The following COL13A1 variants were observed in gnomAD, a reference collection of about 807,000 sequenced individuals.
COL13A1 encodes collagen alpha-1(XIII) chain.
Under a neutral mutation model 130.9 loss-of-function variants are expected in COL13A1, and 89 were observed. That is an observed-to-expected ratio of 0.68 (90% confidence interval 0.57 to 0.81). The LOEUF is 0.81. Among genes scored for constraint, COL13A1 ranks in the 30% least tolerant of loss-of-function variants. The pLI is 0.00. For missense variants in COL13A1, 879 were observed against 934.6 expected (o/e 0.94, Z 0.78); for synonymous variants, 402 against 341.6 (o/e 1.18, Z -1.95).
chr10:69,930,017 G>C (rs769445810), intron 28 of COL13A1, 26 bp from the exon 29 acceptor site: 2 of 1,612,318 alleles, frequency 1.2e-6, no homozygotes, highest in East Asian at 4.5e-5. Flanking sequence ...TGCCCTGAGA[G>C]TCACCTTTAG....
chr10:69,806,094 G>C (rs927118054), intron 1 of COL13A1, among the ~76,000 whole-genome samples: 3 of 152,224 alleles, frequency 2.0e-5, no homozygotes, highest in African/African-American at 4.8e-5. Flanking sequence ...GCAGATCGGA[G>C]ACTTCACTAA....
In COL13A1 at chr10:69,932,818, G is replaced by A. The variant is rs1174980873; in HGVS notation, c.1728+214G>A. 2.6e-5 allele frequency among the ~76,000 whole-genome samples: 4 copies of A among 152,182 alleles called. No homozygotes were observed. The East Asian group carries it at 7.7e-4, about 29-fold the overall frequency. ...AGAGCACCTCCCATGCTTCCATCCT[G>A]GTGCTAGAGTCTGGAGATACGAAAA... On this transcript the variant is annotated intron_variant, in intron 31 of 40. Transcript: ENST00000645393.
At chr10:69,853,489 A>G (rs1855552703) in intron 2 of COL13A1, among the ~76,000 whole-genome samples, 1 of 152,258 alleles carries the variant, frequency 6.6e-6, no homozygotes, top group African/African-American at 2.4e-5. Context: ...GATGCTCTCA[A>G]AACTTTCAAG....
chr10:69,895,479 G>A, intron 12 of COL13A1, 71 bp from the exon 13 acceptor site: 1 of 1,535,660 alleles, frequency 6.5e-7, no homozygotes, highest in East Asian at 2.2e-5. Context: ...CTGAAGTGCT[G>A]GGGGTGCCCT....
intron 26 of COL13A1, among the ~76,000 whole-genome samples, chr10:69,926,702 G>A (rs1387125240): frequency 6.6e-6 from 1 of 152,192 alleles, no homozygotes; most frequent in East Asian, 1.9e-4. Context: ...TTGAAATCTG[G>A]GTTCTGGGAG....
intron 1 of COL13A1, among the ~76,000 whole-genome samples, chr10:69,804,763 G>T (rs1224001475): frequency 1.6e-5 from 2 of 124,406 alleles, no homozygotes; most frequent in Non-Finnish European, 3.1e-5. Flanking sequence ...TTACATACAG[G>T]GAAGTAGTGC....
chr10:69,850,826 G>A (rs972930427), intron 2 of COL13A1, among the ~76,000 whole-genome samples: 9 of 152,382 alleles, frequency 5.9e-5, no homozygotes, highest in South Asian at 4.1e-4. Context: ...GTTCTGGAAC[G>A]GGGATGGCCC....
chr10:69,865,103 T>C (rs548781831), intron 2 of COL13A1, among the ~76,000 whole-genome samples: 1 of 128,310 alleles, frequency 7.8e-6, no homozygotes, highest in South Asian at 2.7e-4. Flanking sequence ...GACCCCAGGA[T>C]GGGGAGTCAG....
intron 21 of COL13A1, among the ~76,000 whole-genome samples, chr10:69,919,984 T>A (rs570104039): frequency 1.3e-5 from 2 of 152,158 alleles, no homozygotes; most frequent in Admixed American, 1.3e-4. Flanking sequence ...CCACCTCTGC[T>A]CCCCAAGGAT....
chr10:69,949,990 T>TTGTGTGTGCGTGTGTGTG (rs568653437), intron 38 of COL13A1, among the ~76,000 whole-genome samples: 4 of 149,592 alleles, frequency 2.7e-5, no homozygotes, highest in Non-Finnish European at 3.0e-5. Context: ...GTGCATGTGT[T>TTGTGTGTGCGTGTGTGTG]TGTGTGTGCG....
intron 31 of COL13A1, among the ~76,000 whole-genome samples, chr10:69,934,402 G>A (rs972198775): frequency 9.9e-5 from 15 of 152,170 alleles, no homozygotes; most frequent in Admixed American, 2.6e-4. Context: ...GACTGTGATG[G>A]AGCGACAAAG....
At chr10:69,831,508 C>G (rs1401175165) in intron 2 of COL13A1, among the ~76,000 whole-genome samples, 1 of 152,204 alleles carries the variant, frequency 6.6e-6, no homozygotes, top group Non-Finnish European at 1.5e-5. Flanking sequence ...GAGAGAGCAG[C>G]AGCCACGCTT....
At chr10:69,869,406 A>G (rs746777028) in intron 3 of COL13A1, among the ~76,000 whole-genome samples, 4 of 152,198 alleles carry the variant, frequency 2.6e-5, no homozygotes, top group Non-Finnish European at 5.9e-5. Flanking sequence ...TCACCTCCTC[A>G]GCCCTGTTAT....
chr10:69,826,122 C>T (rs1373886149), intron 2 of COL13A1, among the ~76,000 whole-genome samples: 2 of 152,218 alleles, frequency 1.3e-5, no homozygotes, highest in African/African-American at 4.8e-5. Context: ...AGGAAACTTT[C>T]CCATTATCTG....
At chr10:69,804,769 A>G (rs1328766869) in intron 1 of COL13A1, among the ~76,000 whole-genome samples, 6 of 142,026 alleles carry the variant, frequency 4.2e-5, no homozygotes, top group Non-Finnish European at 9.0e-5. Context: ...ACAGGGAAGT[A>G]GTGCACAAAG....
At position 69,921,892 on chromosome 10, in the gene COL13A1, G is replaced by A. The variant is rs776417985; in HGVS notation, c.1100G>A (p.Gly367Glu). Residue 367 changes from glycine to glutamate, a missense_variant, in exon 22 of 41, where the codon GGG (glycine) becomes GAG (glutamate). Transcript: ENST00000645393. ...TGCATCTCCCTGCAGGGTGAGAAGG[G>A]GGCTGAAGGCTCCCCTGGGCTTCCT... ...LGKRGQRGEKGAEGSPGLPGL... is the reference protein window; with the variant it reads ...LGKRGQRGEKEAEGSPGLPGL... 9 of 1,606,848 alleles carry A rather than the reference G, an allele frequency of 5.6e-6. No individual in the cohort carries two copies. Among genetic ancestry groups the A allele is most frequent in the Non-Finnish European group, 7.6e-6 (9 of 1,177,050 alleles).
At chr10:69,839,263 C>T (rs143318096) in intron 2 of COL13A1, among the ~76,000 whole-genome samples, 12 of 152,322 alleles carry the variant, frequency 7.9e-5, no homozygotes, top group Non-Finnish European at 1.2e-4. Context: ...GAGGACCAAC[C>T]TGACAGAGGT....
At chr10:69,945,621 G>T in intron 36 of COL13A1, 50 bp from the exon 37 acceptor site, 2 of 1,592,960 alleles carry the variant, frequency 1.3e-6, no homozygotes, top group Non-Finnish European at 1.7e-6. Flanking sequence ...TGGCAAGGAA[G>T]ATTGTTACCG....
chr10:69,880,169 C>T (rs553228068), intron 6 of COL13A1, among the ~76,000 whole-genome samples: 22 of 152,204 alleles, frequency 1.4e-4, no homozygotes, highest in Non-Finnish European at 2.4e-4. Context: ...CTCGCTTCCC[C>T]GGCCTGGGGT....
Sources: gnomAD v4.1 joint callset for allele counts (sites outside exome capture counted in the v4.1 genomes callset) on GRCh38, gnomAD v4.1.1 for gene constraint, MANE v1.5 for transcripts, NCBI Gene and HGNC (gene_info 2026-07-23, HGNC 2026-07-21) for gene names.